The following LIMK1 variants were observed in gnomAD, a reference collection of about 807,000 sequenced individuals.
LIMK1 encodes the protein LIM domain kinase 1.
A neutral mutation model predicts 77.6 loss-of-function variants in LIMK1; 21 were observed. The ratio of observed to expected loss-of-function variants is 0.27; its 90% CI spans 0.19 to 0.39. LIMK1 has a LOEUF of 0.39. LIMK1 is among the 10% of genes least tolerant of loss of function. The pLI is 1.00. For synonymous variants in LIMK1, 358 were observed against 370.0 expected (o/e 0.97, Z 0.37); for missense variants, 696 against 901.6 (o/e 0.77, Z 2.92).
intron 2 of LIMK1, among the ~76,000 whole-genome samples, chr7:74,089,785 G>A (rs924538347): frequency 1.3e-5 from 2 of 152,078 alleles, no homozygotes; most frequent in Admixed American, 1.3e-4. Flanking sequence ...CAGAAAAAAC[G>A]GCCGCCTCGG....
intron 13 of LIMK1, among the ~76,000 whole-genome samples, chr7:74,117,223 G>T (rs564345825): frequency 6.6e-6 from 1 of 152,140 alleles, no homozygotes; most frequent in African/African-American, 2.4e-5. Flanking sequence ...TCACTATGTT[G>T]CCCAGGCTGG....
At chr7:74,086,506 T>C (rs2115611032) in intron 2 of LIMK1, among the ~76,000 whole-genome samples, 1 of 152,238 alleles carries the variant, frequency 6.6e-6, no homozygotes, top group African/African-American at 2.4e-5. Context: ...ATTATAGGTA[T>C]ACACCACAAT....
At position 74,122,295 on chromosome 7, in the gene LIMK1, C is replaced by T. The variant is rs566093035; in HGVS notation, c.*994C>T. The T allele has an allele frequency of 2.8e-4, 17 of 60,414 alleles. No individual in the cohort carries two copies. The highest frequency in any genetic ancestry group is 1.1e-3 in the African/African-American group (16 of 15,128). 3.7% of individuals were successfully genotyped at this position (60,414 alleles called of 1,614,324 possible). The stretch of plus-strand genomic sequence containing the variant: ...GGGGCTTGGGATTTTATTTTTGTGG[C>T]GGGCGGGGGTGGGAGGGCCATTTTG... On this transcript the variant is annotated 3_prime_UTR_variant, in exon 16 of 16. Transcript: ENST00000336180.
intron 15 of LIMK1, 39 bp downstream of exon 15, chr7:74,121,088 C>T (rs199976900): frequency 4.4e-6 from 7 of 1,597,738 alleles, no homozygotes; most frequent in Non-Finnish European, 6.0e-6. Flanking sequence ...GACGGTGGGG[C>T]CGATTCCCGG....
rs1799936986 is a variant in LIMK1, at chr7:74,121,387, G to T, written c.*86G>T. On this transcript the variant is annotated 3_prime_UTR_variant, in exon 16 of 16. Transcript: ENST00000336180. ...TCCGCGGGAGGTGGCCCTCAGCTGG[G>T]ACAGTGGGGACCCAGGCTTCTCCTC... 36 of 1,310,490 alleles carry T rather than the reference G, an allele frequency of 2.7e-5. No individual in the cohort carries two copies. The highest frequency in any genetic ancestry group is 3.5e-5 in the Non-Finnish European group (34 of 973,866). 81.2% of individuals were successfully genotyped at this position (1,310,490 alleles called of 1,614,324 possible).
Position 74,115,961 on chromosome 7 carries a change from G to C in LIMK1, c.1567+3G>C. 1.9e-6 allele frequency: 3 copies of C among 1,613,564 alleles called. No homozygotes were observed. The East Asian group carries it at 6.7e-5, about 36-fold the overall frequency. Reference sequence around the variant, plus strand: ...GATGGCACCTGAGATGATCAACGGTGAGTGGTTCAGCCCTGCCCATCATGG... The same window carrying C: ...GATGGCACCTGAGATGATCAACGGTCAGTGGTTCAGCCCTGCCCATCATGG... On this transcript the variant is annotated splice_donor_region_variant and intron_variant, in intron 13 of 15. Coordinates refer to ENST00000336180, the MANE Select transcript of LIMK1 (RefSeq NM_002314.4).
intron 13 of LIMK1, among the ~76,000 whole-genome samples, chr7:74,118,929 C>T (rs1360729945): frequency 6.6e-6 from 1 of 152,078 alleles, no homozygotes; most frequent in Non-Finnish European, 1.5e-5. Context: ...CCGAGTCTTG[C>T]TCTGTCATCC....
Position 74,115,942 on chromosome 7 carries a change from A to G in LIMK1, c.1551A>G (p.Ala517=), listed in dbSNP as rs782541491. ...TGGTGGGCAACCCCTACTGGATGGC[A>G]CCTGAGATGATCAACGGTGAGTGGT... ...YTVVGNPYWM[A]PEMINGRSYD... is the part of the protein sequence containing the mutation. The change falls in exon 13 of 16, where the codon GCA becomes GCG. Residue 517 remains alanine (A), a synonymous_variant. Transcript: ENST00000336180. The G allele has an allele frequency of 6.2e-7, 1 of 1,614,056 alleles. No individual in the cohort carries two copies. The highest frequency in any genetic ancestry group is 2.2e-5 in the East Asian group (1 of 44,860).
chr7:74,107,352 A>G (rs1177038616), intron 8 of LIMK1, among the ~76,000 whole-genome samples, 159 bp downstream of exon 8: 3 of 152,086 alleles, frequency 2.0e-5, no homozygotes, highest in African/African-American at 7.2e-5. Flanking sequence ...AATTAGGAAC[A>G]GGGGACCTCC....
At chr7:74,094,041 T>C (rs1799290122) in intron 2 of LIMK1, 1 of 152,240 alleles carries the variant, frequency 6.6e-6, no homozygotes, top group Admixed American at 6.5e-5. Context: ...CTGTCTGCAA[T>C]GGAGGCAGAG....
chr7:74,111,756 T>A, intron 11 of LIMK1, 49 bp downstream of exon 11: 1 of 1,576,808 alleles, frequency 6.3e-7, no homozygotes, highest in Non-Finnish European at 8.7e-7. Context: ...ACCAGGAATT[T>A]GCAAACAGAA....
chr7:74,109,172 ATC>A (rs1554698240), intron 10 of LIMK1, 136 bp downstream of exon 10: 2 of 716,814 alleles, frequency 2.8e-6, no homozygotes, highest in Admixed American at 4.1e-5. Context: ...CTGATTCCTA[ATC>A]AAAAAGGGGA....
Position 74,085,853 on chromosome 7 carries a change from G to T in LIMK1, c.152+9G>T. The T allele has an allele frequency of 1.3e-6, 2 of 1,544,952 alleles. No individual in the cohort carries two copies. Among genetic ancestry groups the T allele is most frequent in the Non-Finnish European group, 8.7e-7 (1 of 1,144,052 alleles). The stretch of plus-strand genomic sequence containing the variant: ...CACGCAGACTGCTTCAGGTAGGGTG[G>T]GGTGCCCAGGGCCTGTGTTGCCCTA... On this transcript the variant is annotated intron_variant, in intron 2 of 15. Coordinates refer to ENST00000336180, the MANE Select transcript of LIMK1 (RefSeq NM_002314.4).
chr7:74,085,094 A>G lies in LIMK1; in HGVS notation c.56-654A>G, dbSNP rs555806857. On this transcript the variant is annotated intron_variant, in intron 1 of 15. Coordinates refer to ENST00000336180, the MANE Select transcript of LIMK1 (RefSeq NM_002314.4). ...AGGTCTGGGGCATTTTCCAGGGCCC[A>G]CCAGCTCCAAGGGTGCCAGGCCCCA... 1.4e-3 allele frequency among the ~76,000 whole-genome samples: 210 copies of G among 152,238 alleles called. 1 individual carries two copies. Among genetic ancestry groups the G allele is most frequent in the Non-Finnish European group, 2.5e-3 (171 of 67,988 alleles).
rs1799923938 is a variant in LIMK1 at position 74,120,955 on chromosome 7, G to A, written c.1687G>A (p.Val563Met). The A allele has an allele frequency of 5.6e-6, 9 of 1,614,090 alleles. No homozygotes were observed. Among genetic ancestry groups the A allele is most frequent in the Non-Finnish European group, 7.6e-6 (9 of 1,179,998 alleles). ...LPRTMDFGLN[V>M]RGFLDRYCPP... The stretch of plus-strand genomic sequence containing the variant: ...CCGCACCATGGACTTTGGCCTCAAC[G>A]TGCGAGGATTCCTGGACCGCTACTG... The change falls in exon 15 of 16, where the codon GTG (valine) becomes ATG (methionine). Residue 563 changes from valine to methionine, a missense_variant. By Grantham distance (21) the Val-to-Met change is conservative. Transcript: ENST00000336180.
At position 74,111,999 on chromosome 7, in the gene LIMK1, G is replaced by T; in HGVS notation, c.1410+1G>T. On this transcript the variant is annotated splice_donor_variant, in intron 12 of 15. Transcript: ENST00000336180. LOFTEE classifies it high-confidence loss of function. ...CTCCCACAACTGCCTGGTCCGCGAG[G>T]TGAGTACCAGGGCCCCACGTGGCTG... 6.2e-7 allele frequency: 1 copy of T among 1,605,682 alleles called. No homozygotes were observed. The highest frequency in any genetic ancestry group is 8.5e-7 in the Non-Finnish European group (1 of 1,175,546).
chr7:74,091,727 A>G lies in LIMK1; in HGVS notation c.153-4895A>G, dbSNP rs1183446139. On this transcript the variant is annotated intron_variant, in intron 2 of 15. Coordinates refer to ENST00000336180, the MANE Select transcript of LIMK1 (RefSeq NM_002314.4). The stretch of plus-strand genomic sequence containing the variant: ...ACACTCAGTGAACAAATGTAGTGTC[A>G]GGTATTGGGGGACAGCACTCTCAGG... Among the ~76,000 whole-genome samples, 6 of 152,236 alleles carry G rather than the reference A, an allele frequency of 3.9e-5. 1 individual carries two copies. Among genetic ancestry groups the G allele is most frequent in the African/African-American group, 1.4e-4 (6 of 41,550 alleles).
chr7:74,111,543 G>T, intron 10 of LIMK1, 105 bp from the exon 11 acceptor site: 1 of 900,202 alleles, frequency 1.1e-6, no homozygotes, highest in South Asian at 1.4e-5. Context: ...GGGGAGCCCA[G>T]GGACCCTCTA....
rs540199451 is a variant in LIMK1, at chr7:74,106,082, C to T, written c.720C>T (p.Asp240=). Residue 240 remains aspartate (D), a synonymous_variant, in exon 7 of 16, where the codon GAC becomes GAT. Coordinates refer to ENST00000336180, the MANE Select transcript of LIMK1 (RefSeq NM_002314.4). ...PIRNVPLDEI[D]LLIQETSRLL... is the part of the protein sequence containing the mutation. ...CACATGCCTGCTGTCCCCAGATTGA[C>T]CTGCTGATTCAGGAAACCAGCCGCC... 1.2e-6 allele frequency: 2 copies of T among 1,614,080 alleles called. No homozygotes were observed. The highest frequency in any genetic ancestry group is 2.2e-5 in the South Asian group (2 of 91,082).
Sources: allele counts gnomAD v4.1 joint callset (sites outside exome capture counted in the v4.1 genomes callset), GRCh38; gene constraint gnomAD v4.1.1; transcripts MANE v1.5; gene names NCBI Gene and HGNC (gene_info 2026-07-23, HGNC 2026-07-21).